The following TNS4 variants were observed in gnomAD, a reference collection of about 807,000 sequenced individuals.
The protein encoded by TNS4 is tensin 4, also known as tensin-4.
TNS4 carries 46 observed loss-of-function variants against 70.4 expected under a neutral mutation model. The ratio of observed to expected loss-of-function variants is 0.65; its 90% confidence interval spans 0.52 to 0.84. TNS4 has a LOEUF of 0.84. Among genes scored for constraint, TNS4 ranks in the 40% least tolerant of loss-of-function variants. The pLI, the probability that TNS4 is intolerant of heterozygous loss-of-function variation, is 0.00. For synonymous variants in TNS4, 390 were observed against 366.6 expected (o/e 1.06, Z -0.73); for missense variants, 863 against 907.0 (o/e 0.95, Z 0.62).
At chr17:40,487,971 G>A (rs1476597549) in intron 3 of TNS4, among the ~76,000 whole-genome samples, 1 of 152,248 alleles carries the variant, frequency 6.6e-6, no homozygotes, top group Non-Finnish European at 1.5e-5. Flanking sequence ...CCCAGCCTCT[G>A]TGCCAGGGAC....
At chr17:40,486,269 C>A (rs893333134) in intron 4 of TNS4, among the ~76,000 whole-genome samples, 2 of 152,182 alleles carry the variant, frequency 1.3e-5, no homozygotes, top group African/African-American at 4.8e-5. Flanking sequence ...ACCCCATCCA[C>A]CCCCTCTGTG....
At chr17:40,484,698 CAG>C in intron 5 of TNS4, 89 bp from the exon 6 acceptor site, 7 of 1,560,882 alleles carry the variant, frequency 4.5e-6, no homozygotes, top group Non-Finnish European at 5.2e-6. Flanking sequence ...GCAGATGTTA[CAG>C]AGTCACCTTT....
At position 40,479,394 on chromosome 17, in the gene TNS4, G is replaced by A. The variant is rs186168458; in HGVS notation, c.1910+280C>T. On this transcript the variant is annotated intron_variant, in intron 10 of 12. Transcript: ENST00000254051. ...ACTCCTGACCTCAGGTGATCCGCCCGCCTCGGCCTCCCAAAGTGCTGGGAT... is the reference window on the plus strand; with the variant it reads ...ACTCCTGACCTCAGGTGATCCGCCCACCTCGGCCTCCCAAAGTGCTGGGAT... Among the ~76,000 whole-genome samples the A allele has an allele frequency of 7.5e-3, 1,142 of 152,266 alleles. 9 individuals are homozygous for A. The highest frequency in any genetic ancestry group is 0.011 in the Non-Finnish European group (764 of 68,020).
At chr17:40,491,508 G>T (rs779704020) in intron 2 of TNS4, among the ~76,000 whole-genome samples, 2 of 152,218 alleles carry the variant, frequency 1.3e-5, no homozygotes, top group Non-Finnish European at 2.9e-5. Flanking sequence ...ATGAGGAGGG[G>T]CTCCTTGGGA....
chr17:40,486,273 C>G (rs1190378457), intron 4 of TNS4, among the ~76,000 whole-genome samples: 1 of 152,208 alleles, frequency 6.6e-6, no homozygotes, highest in Non-Finnish European at 1.5e-5. Context: ...CATCCACCCC[C>G]TCTGTGTTCT....
At chr17:40,480,601 CCT>C in intron 9 of TNS4, 97 bp downstream of exon 9, 5 of 1,165,046 alleles carry the variant, frequency 4.3e-6, no homozygotes, top group Non-Finnish European at 5.7e-6. Flanking sequence ...CACGTGTGTG[CCT>C]GTGCGTGTGT....
At chr17:40,486,407 C>T (rs1269201653) in intron 4 of TNS4, among the ~76,000 whole-genome samples, 5 of 152,112 alleles carry the variant, frequency 3.3e-5, no homozygotes, top group African/African-American at 9.7e-5. Context: ...TGCCCTATCC[C>T]GGTTCAGGAC....
chr17:40,479,075 G>A (rs116955575), intron 10 of TNS4, among the ~76,000 whole-genome samples: 5 of 152,280 alleles, frequency 3.3e-5, no homozygotes, highest in African/African-American at 4.8e-5. Context: ...CAGTCTGGCC[G>A]AGGGAAGATG....
rs7224214 is a variant in TNS4, at chr17:40,476,882, C to A, written c.*706G>T. On this transcript the variant is annotated 3_prime_UTR_variant, in exon 13 of 13. Coordinates refer to ENST00000254051, the MANE Select transcript of TNS4 (RefSeq NM_032865.6). ...TCTCAAAAAAAAATAAAAATAAAAA[C>A]CAAGTGGAAAGAAAAGATGGGGTGA... is the stretch of plus-strand genomic sequence containing the variant. 0.63 allele frequency: 96,261 copies of A among 151,902 alleles called. 31,460 individuals are homozygous for A. Among genetic ancestry groups the A allele is most frequent in the African/African-American group, 0.74 (30,417 of 41,334 alleles). The allele number at this position is 151,902 out of a possible 1,614,324, so 9.4% of individuals were successfully genotyped here. A position where few individuals can be genotyped will look rare whatever the true frequency, so the allele number is the denominator to read the frequency against.
chr17:40,494,009 T>C (rs2036108611), intron 2 of TNS4, among the ~76,000 whole-genome samples: 1 of 152,260 alleles, frequency 6.6e-6, no homozygotes, highest in African/African-American at 2.4e-5. Context: ...GGAAGACCCT[T>C]GACGGACAGT....
Position 40,487,225 on chromosome 17 carries a change from T to G in TNS4, c.1099A>C (p.Asn367His), listed in dbSNP as rs1567811302. The G allele has an allele frequency of 6.2e-7, 1 of 1,613,992 alleles. No individual in the cohort carries two copies. The highest frequency in any genetic ancestry group is 8.5e-7 in the Non-Finnish European group (1 of 1,179,976). Residue 367 changes from asparagine to histidine, a missense_variant, in exon 4 of 13, where the codon AAC (asparagine) becomes CAC (histidine). Physicochemically the swap from Asn to His is moderately conservative, Grantham distance 68. Coordinates refer to ENST00000254051, the MANE Select transcript of TNS4 (RefSeq NM_032865.6). ...HASSCPPSIT[N>H]SMVDIPIVLI... ...ACAATGGGTATGTCCACCATGGAGT[T>G]GGTGATGGATGGGGGGCAGCTGCTG...
chr17:40,479,457 C>T (rs571561021), intron 10 of TNS4, among the ~76,000 whole-genome samples: 21 of 152,334 alleles, frequency 1.4e-4, no homozygotes, highest in Admixed American at 1.2e-3. Flanking sequence ...CCCGTTAACT[C>T]CATTTTCATC....
At position 40,479,726 on chromosome 17, in the gene TNS4, C is replaced by A. The variant is rs750443853; in HGVS notation, c.1858G>T (p.Val620Phe). The change falls in exon 10 of 13, where the codon GTC (valine) becomes TTC (phenylalanine). Residue 620 changes from valine to phenylalanine, a missense_variant. Physicochemically the swap from Val to Phe is conservative, Grantham distance 50. Transcript: ENST00000254051. ...ERDILPTPTV[V>F]HFKVTEQGIT... The stretch of plus-strand genomic sequence containing the variant: ...CCCTGCTCTGTGACTTTGAAGTGGA[C>A]CACGGTGGGCGTGGGGAGGATGTCC... 6.2e-7 allele frequency: 1 copy of A among 1,614,110 alleles called. No individual in the cohort carries two copies. The highest frequency in any genetic ancestry group is 2.2e-5 in the East Asian group (1 of 44,884).
At chr17:40,498,210 G>A (rs1047914858) in intron 1 of TNS4, among the ~76,000 whole-genome samples, 1 of 152,134 alleles carries the variant, frequency 6.6e-6, no homozygotes, top group Admixed American at 6.5e-5. Context: ...GACTAGCCTG[G>A]GAGAAGAGAA....
intron 9 of TNS4, 166 bp from the exon 10 acceptor site, chr17:40,480,008 C>A: frequency 1.2e-6 from 1 of 833,276 alleles, no homozygotes; most frequent in Non-Finnish European, 1.8e-6. Flanking sequence ...CAGTTTGAGG[C>A]CAACCCCAGA....
intron 9 of TNS4, 142 bp from the exon 10 acceptor site, chr17:40,479,984 T>C (rs2035900526): frequency 2.8e-6 from 3 of 1,087,184 alleles, no homozygotes; most frequent in African/African-American, 3.2e-5. Context: ...AGAAAGTGGG[T>C]GTGTGGGTGA....
intron 5 of TNS4, 146 bp from the exon 6 acceptor site, chr17:40,484,755 G>T: frequency 2.1e-6 from 3 of 1,423,058 alleles, no homozygotes; most frequent in Non-Finnish European, 1.9e-6. Context: ...CACCATTCTT[G>T]CTGTGGTTCC....
At chr17:40,484,092 C>A (rs561223404) in intron 6 of TNS4, among the ~76,000 whole-genome samples, 1 of 152,306 alleles carries the variant, frequency 6.6e-6, no homozygotes, top group East Asian at 1.9e-4. Context: ...AGCTAGTACA[C>A]AAACCTGGTA....
In TNS4 at chr17:40,487,073, C is replaced by G. The variant is rs946307169; in HGVS notation, c.1251G>C (p.Gln417His). 6.2e-7 allele frequency: 1 copy of G among 1,614,212 alleles called. No homozygotes were observed. Among genetic ancestry groups the G allele is most frequent in the Non-Finnish European group, 8.5e-7 (1 of 1,180,038 alleles). ...TGGTAAAGGGGGCATCTGACAGGGTCTGGCTGTTGCTCCTGGTGGCTGGAC... is the reference window on the plus strand; with the variant it reads ...TGGTAAAGGGGGCATCTGACAGGGTGTGGCTGTTGCTCCTGGTGGCTGGAC... ...NPCPATRSNS[Q>H]TLSDAPFTTC... The change falls in exon 4 of 13, where the codon CAG (glutamine) becomes CAC (histidine). Residue 417 changes from glutamine to histidine, a missense_variant. By Grantham distance (24) the Gln-to-His change is conservative. Coordinates refer to ENST00000254051, the MANE Select transcript of TNS4 (RefSeq NM_032865.6).
Sources: gnomAD v4.1 joint callset for allele counts (sites outside exome capture counted in the v4.1 genomes callset) on GRCh38, gnomAD v4.1.1 for gene constraint, MANE v1.5 for transcripts, NCBI Gene and HGNC (gene_info 2026-07-23, HGNC 2026-07-21) for gene names.